PINX1: variants seen among roughly 807,000 people sequenced by gnomAD.
The protein encoded by PINX1 is PIN2 (TERF1) interacting telomerase inhibitor 1.
PINX1 carries 34 observed loss-of-function variants against 25.4 expected under a neutral mutation model. The ratio of observed to expected loss-of-function variants is 1.34; its 90% CI spans 1.02 to 1.78. PINX1 has a LOEUF of 1.78. Ranked by LOEUF, PINX1 falls within the 40% of genes most tolerant of loss-of-function variation. PINX1 has a pLI of 0.00. For synonymous variants in PINX1, 197 were observed against 147.7 expected (o/e 1.33, Z -2.42); for missense variants, 592 against 404.9 (o/e 1.46, Z -3.97).
At chr8:10,787,602 T>C (rs534630721) in intron 6 of PINX1, 515 of 310,534 alleles carry the variant, frequency 1.7e-3, no homozygotes, top group Non-Finnish European at 2.3e-3. Flanking sequence ...CTGTAAGCTA[T>C]GTGATGGCAA....
At chr8:10,836,105 T>C (rs1798397712) in intron 1 of PINX1, among the ~76,000 whole-genome samples, 1 of 152,026 alleles carries the variant, frequency 6.6e-6, no homozygotes. Flanking sequence ...TCTCATCACA[T>C]AATTAAAAAA....
chr8:10,795,461 C>G (rs541071089), intron 6 of PINX1, among the ~76,000 whole-genome samples: 1 of 152,304 alleles, frequency 6.6e-6, no homozygotes, highest in South Asian at 2.1e-4. Context: ...AGTGCGGTGG[C>G]GCGATCTCGG....
chr8:10,772,478 C>T (rs1188005029), intron 6 of PINX1, among the ~76,000 whole-genome samples: 1 of 152,146 alleles, frequency 6.6e-6, no homozygotes, highest in South Asian at 2.1e-4. Flanking sequence ...CTGAAAACAC[C>T]CAGTGTTTTA....
At chr8:10,820,525 A>G (rs1797836303) in intron 5 of PINX1, among the ~76,000 whole-genome samples, 1 of 152,246 alleles carries the variant, frequency 6.6e-6, no homozygotes, top group African/African-American at 2.4e-5. Flanking sequence ...AACCTAGAGC[A>G]TACTGACTGC....
intron 6 of PINX1, among the ~76,000 whole-genome samples, chr8:10,785,766 C>T (rs1801728251): frequency 6.6e-6 from 1 of 152,226 alleles, no homozygotes; most frequent in Non-Finnish European, 1.5e-5. Flanking sequence ...AGGTCTGTTG[C>T]TTGTGTATGT....
chr8:10,837,466 T>C lies in PINX1; in HGVS notation c.19+2272A>G, dbSNP rs114692917. On this transcript the variant is annotated intron_variant, in intron 1 of 6. Coordinates refer to ENST00000314787, the MANE Select transcript of PINX1 (RefSeq NM_017884.6). ...AATCTTAGCAGTGAGTGCGACTATA[T>C]GCTGAGTCCTGTGCCTGAATCCCCC... Among the ~76,000 whole-genome samples the C allele has an allele frequency of 5.2e-3, 787 of 152,340 alleles. 7 individuals carry two copies. The highest frequency in any genetic ancestry group is 0.018 in the African/African-American group (732 of 41,572).
At chr8:10,795,112 T>A (rs4840515) in intron 6 of PINX1, among the ~76,000 whole-genome samples, 28,718 of 152,178 alleles carry the variant, frequency 0.19, 3,747 homozygotes, top group African/African-American at 0.37. Flanking sequence ...ACTTTATAAA[T>A]GCAAAATTCT....
At chr8:10,802,553 A>G (rs1325395923) in intron 6 of PINX1, among the ~76,000 whole-genome samples, 2 of 152,242 alleles carry the variant, frequency 1.3e-5, no homozygotes. Flanking sequence ...TCCAGTATCA[A>G]CAAAAACCTA....
chr8:10,806,867 G>C (rs1434602415), intron 6 of PINX1, among the ~76,000 whole-genome samples: 2 of 152,100 alleles, frequency 1.3e-5, no homozygotes, highest in Non-Finnish European at 2.9e-5. Context: ...CCCAGCGAGA[G>C]GGCTTCTCTA....
intron 6 of PINX1, among the ~76,000 whole-genome samples, chr8:10,783,955 G>A (rs1227783704): frequency 1.3e-5 from 2 of 152,150 alleles, no homozygotes; most frequent in Non-Finnish European, 2.9e-5. Flanking sequence ...CTCAAAGACA[G>A]CTGATTTTAT....
chr8:10,765,979 A>T, intron 6 of PINX1, 63 bp from the exon 7 acceptor site: 1 of 1,531,048 alleles, frequency 6.5e-7, no homozygotes, highest in Non-Finnish European at 8.8e-7. Context: ...CACCGCACCC[A>T]GGAGGCACCC....
intron 4 of PINX1, among the ~76,000 whole-genome samples, chr8:10,827,371 T>C (rs1026403283): frequency 7.9e-5 from 12 of 151,812 alleles, no homozygotes; most frequent in Admixed American, 3.9e-4. Context: ...GACATCCGAG[T>C]GGTAACGCCT....
At chr8:10,837,903 G>C (rs1459712667) in intron 1 of PINX1, among the ~76,000 whole-genome samples, 5 of 152,178 alleles carry the variant, frequency 3.3e-5, no homozygotes, top group Non-Finnish European at 5.9e-5. Context: ...CCTTACATAA[G>C]GAACTGCAAC....
chr8:10,803,027 A>T (rs1304953615), intron 6 of PINX1, among the ~76,000 whole-genome samples: 1 of 152,126 alleles, frequency 6.6e-6, no homozygotes, highest in East Asian at 1.9e-4. Flanking sequence ...ACAAAATTAA[A>T]CCATTCTGTG....
intron 4 of PINX1, among the ~76,000 whole-genome samples, chr8:10,829,146 CG>C (rs1364468139): frequency 1.3e-5 from 2 of 151,866 alleles, no homozygotes; most frequent in African/African-American, 4.8e-5. Flanking sequence ...ATTAGCCAGG[CG>C]TGGTGGTGTG....
At chr8:10,774,168 G>A (rs1801315360) in intron 6 of PINX1, among the ~76,000 whole-genome samples, 1 of 152,138 alleles carries the variant, frequency 6.6e-6, no homozygotes, top group African/African-American at 2.4e-5. Flanking sequence ...AGGAAGAGGT[G>A]AAAATTGCTG....
chr8:10,810,069 G>A (rs543197293), intron 6 of PINX1, among the ~76,000 whole-genome samples: 6 of 152,140 alleles, frequency 3.9e-5, no homozygotes, highest in Admixed American at 6.5e-5. Context: ...ACCAGGTCTC[G>A]TGTGAACTCA....
chr8:10,796,877 T>C (rs1020286883), intron 6 of PINX1, among the ~76,000 whole-genome samples: 3 of 152,048 alleles, frequency 2.0e-5, no homozygotes, highest in Non-Finnish European at 4.4e-5. Flanking sequence ...TTCCCAAATG[T>C]ATCTGAGCAT....
intron 6 of PINX1, among the ~76,000 whole-genome samples, chr8:10,783,458 T>C (rs921505589): frequency 6.6e-6 from 1 of 152,184 alleles, no homozygotes; most frequent in Non-Finnish European, 1.5e-5. Flanking sequence ...GATATGGTCT[T>C]TTTTTCTCTC....
Sources: gnomAD v4.1 joint callset for allele counts (sites outside exome capture counted in the v4.1 genomes callset) on GRCh38, gnomAD v4.1.1 for gene constraint, MANE v1.5 for transcripts, NCBI Gene and HGNC (gene_info 2026-07-23, HGNC 2026-07-21) for gene names.